Variants in CGRRF1 observed in about 807,000 individuals in gnomAD.
The protein encoded by CGRRF1 is cell growth regulator with RING finger domain protein 1.
A neutral mutation model predicts 37.2 loss-of-function variants in CGRRF1; 32 were observed. The observed-to-expected ratio is 0.86, with a 90% CI of 0.65 to 1.16. The LOEUF (loss-of-function observed/expected upper bound fraction) is 1.16. CGRRF1 is among the 50% of genes most tolerant of loss of function. The pLI is 0.00. For missense variants in CGRRF1, 391 were observed against 382.6 expected, an observed-to-expected ratio of 1.02 and a Z score of -0.18; for synonymous variants, 141 against 140.3, an observed-to-expected ratio of 1.00 and a Z score of -0.04.
intron 1 of CGRRF1, among the ~76,000 whole-genome samples, chr14:54,512,277 G>A (rs1173932411): frequency 6.6e-6 from 1 of 151,998 alleles, no homozygotes; most frequent in African/African-American, 2.4e-5. Flanking sequence ...GTGTGGGAGT[G>A]GAGAAAAAAC....
At chr14:54,528,325 C>G (rs1321863506) in intron 2 of CGRRF1, among the ~76,000 whole-genome samples, 1 of 149,354 alleles carries the variant, frequency 6.7e-6, no homozygotes, top group Non-Finnish European at 1.5e-5. Context: ...TTAATAGCTT[C>G]TTAGTACTTT....
chr14:54,510,134 G>T (rs919963087), intron 1 of CGRRF1, 71 bp downstream of exon 1: 5 of 1,205,722 alleles, frequency 4.1e-6, no homozygotes, highest in African/African-American at 3.0e-5. Context: ...GCAGCAGGGG[G>T]CACCGGAGCC....
intron 4 of CGRRF1, among the ~76,000 whole-genome samples, chr14:54,533,876 A>G (rs1328408091): frequency 6.6e-6 from 1 of 152,068 alleles, no homozygotes; most frequent in East Asian, 1.9e-4. Flanking sequence ...AAAGGAGAGA[A>G]GTATAATAAT....
intron 2 of CGRRF1, among the ~76,000 whole-genome samples, chr14:54,528,228 T>A (rs74343901): frequency 8.0e-5 from 12 of 149,840 alleles, no homozygotes; most frequent in African/African-American, 2.9e-4. Flanking sequence ...TTTTTTTTTT[T>A]AAGAGACAGA....
intron 2 of CGRRF1, among the ~76,000 whole-genome samples, chr14:54,525,912 A>G (rs2032403407): frequency 6.6e-6 from 1 of 152,016 alleles, no homozygotes; most frequent in African/African-American, 2.4e-5. Flanking sequence ...CCTGGCCAAC[A>G]TGGCGAAACC....
At chr14:54,523,543 T>C (rs1374137345) in intron 2 of CGRRF1, among the ~76,000 whole-genome samples, 1 of 135,548 alleles carries the variant, frequency 7.4e-6, no homozygotes, top group Non-Finnish European at 1.5e-5. Context: ...TCCTTCCTCC[T>C]TTTTTTTTTT....
intron 1 of CGRRF1, among the ~76,000 whole-genome samples, chr14:54,510,686 A>G (rs1192699549): frequency 1.3e-5 from 2 of 152,236 alleles, no homozygotes; most frequent in African/African-American, 4.8e-5. Flanking sequence ...CACCGAGGGT[A>G]GGACAGTTGC....
chr14:54,522,371 C>T, intron 1 of CGRRF1, 83 bp from the exon 2 acceptor site: 1 of 974,694 alleles, frequency 1.0e-6, no homozygotes, highest in Non-Finnish European at 1.4e-6. Flanking sequence ...AAAGGAATCG[C>T]TAATGAAGCA....
At chr14:54,522,309 T>C (rs1401114179) in intron 1 of CGRRF1, 145 bp from the exon 2 acceptor site, 6 of 567,890 alleles carry the variant, frequency 1.1e-5, no homozygotes, top group Non-Finnish European at 5.8e-6. Flanking sequence ...CTGTGGGATC[T>C]CTAAAATAAC....
chr14:54,527,730 T>A (rs543447323), intron 2 of CGRRF1, among the ~76,000 whole-genome samples: 1 of 152,154 alleles, frequency 6.6e-6, no homozygotes, highest in African/African-American at 2.4e-5. Context: ...AAGTTGAGTT[T>A]TAAAAGGCTT....
chr14:54,523,629 T>G lies in CGRRF1; in HGVS notation c.244+1036T>G, dbSNP rs186722113. 2.8e-3 allele frequency among the ~76,000 whole-genome samples: 421 copies of G among 152,198 alleles called. 1 individual carries two copies. The highest frequency in any genetic ancestry group is 9.8e-3 in the African/African-American group (409 of 41,536). ...TGATACATTAAAGAAACAGTAGTTA[T>G]GGCTAAAGCATAGGATGGGACAGGT... On this transcript the variant is annotated intron_variant, in intron 2 of 5. Transcript: ENST00000216420.
chr14:54,530,124 T>C lies in CGRRF1; in HGVS notation c.320T>C (p.Leu107Ser). The C allele has an allele frequency of 6.2e-7, 1 of 1,613,540 alleles. No individual in the cohort carries two copies. The change falls in exon 3 of 6, where the codon TTA becomes TCA. Residue 107 changes from leucine (L) to serine (S), a missense_variant. Transcript: ENST00000216420. The stretch of plus-strand genomic sequence containing the variant: ...TACTGGGGGTGCAGTGTTCAAAAAT[T>C]ATATGAAGCTCTGCAGAAGCATGTT... The part of the protein sequence containing the change: ...TCYWGCSVQK[L>S]YEALQKHVYC...
rs1024538542 is a variant in CGRRF1 at position 54,522,731 on chromosome 14, G to A, written c.244+138G>A. On this transcript the variant is annotated intron_variant, in intron 2 of 5. Transcript: ENST00000216420. ...GGGCAACTATGTTGTTCCAGGTGCT[G>A]TACTGTATATGACAGATACAAAGAT... 4 of 799,350 alleles carry A rather than the reference G, an allele frequency of 5.0e-6. No individual in the cohort carries two copies. In the African/African-American group the frequency reaches 7.0e-5, roughly 14 times the overall value. 49.5% of individuals were successfully genotyped at this position (799,350 alleles called of 1,614,324 possible).
In CGRRF1 at chr14:54,530,139, A is replaced by G; in HGVS notation, c.335A>G (p.Gln112Arg). 6.2e-7 allele frequency: 1 copy of G among 1,613,184 alleles called. No homozygotes were observed. Residue 112 changes from glutamine (Q) to arginine (R), a missense_variant, in exon 3 of 6, where the codon CAG becomes CGG. Transcript: ENST00000216420. ...GTTCAAAAATTATATGAAGCTCTGC[A>G]GAAGCATGTTTATTGCTTCAGAATA... Reference protein sequence around the residue: ...CSVQKLYEALQKHVYCFRIST... With the variant: ...CSVQKLYEALRKHVYCFRIST...
intron 2 of CGRRF1, among the ~76,000 whole-genome samples, chr14:54,527,122 G>C (rs771796238): frequency 2.0e-5 from 3 of 151,988 alleles, no homozygotes; most frequent in Non-Finnish European, 4.4e-5. Flanking sequence ...TTACAGCTAC[G>C]TCCCAATTCT....
chr14:54,517,148 A>G (rs2032230693), intron 1 of CGRRF1, among the ~76,000 whole-genome samples: 1 of 152,118 alleles, frequency 6.6e-6, no homozygotes, highest in Admixed American at 6.5e-5. Flanking sequence ...ATCTATTTCT[A>G]TAGAGTTTTG....
intron 1 of CGRRF1, chr14:54,510,314 T>C: frequency 1.9e-6 from 1 of 517,506 alleles, no homozygotes; most frequent in Non-Finnish European, 3.5e-6. Context: ...TTGGGGTGTT[T>C]TACTCAGCTT....
chr14:54,532,245 T>C (rs1347680414), intron 4 of CGRRF1, among the ~76,000 whole-genome samples: 2 of 152,180 alleles, frequency 1.3e-5, no homozygotes, highest in East Asian at 3.8e-4. Flanking sequence ...TTCTTACTCA[T>C]TTGCAGTTAA....
intron 4 of CGRRF1, 133 bp downstream of exon 4, chr14:54,531,183 A>G (rs2032509511): frequency 1.4e-6 from 1 of 696,108 alleles, no homozygotes; most frequent in South Asian, 2.1e-5. Context: ...CTATATACCT[A>G]TTTGGTTTTT....
Sources: allele counts gnomAD v4.1 joint callset (sites outside exome capture counted in the v4.1 genomes callset), GRCh38; gene constraint gnomAD v4.1.1; transcripts MANE v1.5; gene names NCBI Gene and HGNC (gene_info 2026-07-23, HGNC 2026-07-21).